Variants in PGPEP1 observed in about 807,000 individuals in gnomAD.
PGPEP1 encodes pyroglutamyl-peptidase 1.
In PGPEP1, 15 loss-of-function variants were observed where a neutral mutation model predicts 24.1. That is an observed-to-expected ratio of 0.62 (90% CI 0.42 to 0.96). The LOEUF (loss-of-function observed/expected upper bound fraction) is 0.96. Ranked by LOEUF, PGPEP1 falls within the 40% of genes least tolerant of loss-of-function variation. The pLI, the probability that PGPEP1 is intolerant of heterozygous loss-of-function variation, is 0.00. For missense variants in PGPEP1, 242 were observed against 273.4 expected (o/e 0.89, Z 0.81); for synonymous variants, 122 against 116.4 (o/e 1.05, Z -0.31).
Position 18,365,535 on chromosome 19 carries a change from G to T in PGPEP1, c.*1952G>T. ...TTTTTAAATTTTTTATACAGACAGG[G>T]TTTCACCATGTTGCCCAGGCTGGTC... On this transcript the variant is annotated 3_prime_UTR_variant, in exon 5 of 5. Transcript: ENST00000269919. The T allele has an allele frequency of 6.6e-6, 1 of 152,176 alleles. No individual in the cohort carries two copies. Among genetic ancestry groups the T allele is most frequent in the East Asian group, 1.9e-4 (1 of 5,194 alleles). 9.4% of individuals were successfully genotyped at this position (152,176 alleles called of 1,614,324 possible).
rs143998491 is a variant in PGPEP1 at position 18,363,437 on chromosome 19, G to A, written c.484G>A (p.Gly162Ser). Residue 162 changes from glycine to serine, a missense_variant, in exon 5 of 5, where the codon GGT (glycine) becomes AGT (serine). Gly to Ser is a moderately conservative substitution (Grantham distance 56, BLOSUM62 0). Coordinates refer to ENST00000269919, the MANE Select transcript of PGPEP1 (RefSeq NM_017712.4). ...TYYTSLYQSHGRSAFVHVPPL... is the reference protein window; with the variant it reads ...TYYTSLYQSHSRSAFVHVPPL... ...CTACACCTCTTTGTACCAGAGTCAC[G>A]GTCGATCAGCCTTCGTCCACGTGCC... 5.1e-5 allele frequency: 82 copies of A among 1,613,796 alleles called. No homozygotes were observed. Among genetic ancestry groups the A allele is most frequent in the Middle Eastern group, 1.6e-4 (1 of 6,062 alleles).
rs1393928603 is a variant in PGPEP1, at chr19:18,369,454, C to T, written c.*5871C>T. The T allele has an allele frequency of 6.6e-6, 1 of 152,536 alleles. No individual in the cohort carries two copies. The highest frequency in any genetic ancestry group is 1.5e-5 in the Non-Finnish European group (1 of 68,302). The allele number at this position is 152,536 out of a possible 1,614,324, so 9.4% of individuals were successfully genotyped here. ...AGACCAGCGTCTGGCCCAAGCCATT[C>T]AGAGGTGGGGTCTGGGGCCTGGGGG... On this transcript the variant is annotated 3_prime_UTR_variant, in exon 5 of 5. Transcript: ENST00000269919.
intron 2 of PGPEP1, 89 bp downstream of exon 2, chr19:18,343,000 A>G: frequency 3.0e-6 from 3 of 1,014,298 alleles, no homozygotes; most frequent in South Asian, 1.4e-5. Flanking sequence ...CTTTTAACAA[A>G]AACTTTTTTT....
At chr19:18,340,862 G>C (rs965782113) in intron 1 of PGPEP1, 147 bp downstream of exon 1, 104 of 580,806 alleles carry the variant, frequency 1.8e-4, no homozygotes, top group Non-Finnish European at 1.8e-5. Context: ...GCGCAGCCCA[G>C]GCTTCCTGGA....
At chr19:18,363,033 T>TGTGTG (rs1971390850) in intron 4 of PGPEP1, among the ~76,000 whole-genome samples, 3 of 136,684 alleles carry the variant, frequency 2.2e-5, no homozygotes, top group African/African-American at 8.3e-5. Context: ...TTTTTTTTGT[T>TGTGTG]TGTGTGTGTG....
At position 18,363,931 on chromosome 19, in the gene PGPEP1, C is replaced by A. The variant is rs552214745; in HGVS notation, c.*348C>A. 1 of 210,378 alleles carries A rather than the reference C, an allele frequency of 4.8e-6. No individual in the cohort carries two copies. Among genetic ancestry groups the A allele is most frequent in the South Asian group, 1.1e-4 (1 of 9,130 alleles). The allele number at this position is 210,378 out of a possible 1,614,324, so 13.0% of individuals were successfully genotyped here. On this transcript the variant is annotated 3_prime_UTR_variant, in exon 5 of 5. Coordinates refer to ENST00000269919, the MANE Select transcript of PGPEP1 (RefSeq NM_017712.4). ...CTGGGGCCATATGTTCACCTGCTTT[C>A]CTGTCCGTTGGTGAAGGAATTTCAG...
rs190082300 is a variant in PGPEP1, at chr19:18,347,460, C to T, written c.87+4549C>T. Among the ~76,000 whole-genome samples, 632 of 151,044 alleles carry T rather than the reference C, an allele frequency of 4.2e-3. 7 individuals carry two copies. The highest frequency in any genetic ancestry group is 0.014 in the African/African-American group (592 of 41,134). ...TCTCTCTCTCTCTGGGTCTTACTAT[C>T]TCTTCCCCTTTCTCTCTCTTCCTCT... On this transcript the variant is annotated intron_variant, in intron 2 of 4. Transcript: ENST00000269919.
At chr19:18,343,239 A>G (rs2144525457) in intron 2 of PGPEP1, among the ~76,000 whole-genome samples, 1 of 152,038 alleles carries the variant, frequency 6.6e-6, no homozygotes, top group East Asian at 1.9e-4. Flanking sequence ...ACCTCAAGTA[A>G]TCCTCCTGCC....
chr19:18,356,013 T>G lies in PGPEP1; in HGVS notation c.204+2T>G. ...CTGTGGGAGAAGCACAGTCCACAGG[T>G]GAGTGGTGCCAAGGGGCGGCACTTC... On this transcript the variant is annotated splice_donor_variant, in intron 3 of 4. Coordinates refer to ENST00000269919, the MANE Select transcript of PGPEP1 (RefSeq NM_017712.4). LOFTEE classifies it high-confidence loss of function. 1.3e-6 allele frequency: 2 copies of G among 1,573,558 alleles called. No individual in the cohort carries two copies. Among genetic ancestry groups the G allele is most frequent in the Non-Finnish European group, 1.7e-6 (2 of 1,143,346 alleles).
In PGPEP1 at chr19:18,363,867, A is replaced by T. The variant is rs1971428141; in HGVS notation, c.*284A>T. 1 of 310,210 alleles carries T rather than the reference A, an allele frequency of 3.2e-6. No individual in the cohort carries two copies. The highest frequency in any genetic ancestry group is 2.1e-5 in the African/African-American group (1 of 47,620). 19.2% of individuals were successfully genotyped at this position (310,210 alleles called of 1,614,324 possible). On this transcript the variant is annotated 3_prime_UTR_variant, in exon 5 of 5. Transcript: ENST00000269919. ...CTGGGAGGTCCAGATGCCCAGGGAG[A>T]ATCTTGGTCTGGTGAATCCATGAGC...
rs1464178883 is a variant in PGPEP1 at position 18,363,491 on chromosome 19, C to T, written c.538C>T (p.Gln180Ter). The T allele has an allele frequency of 1.9e-6, 3 of 1,614,204 alleles. No individual in the cohort carries two copies. Among genetic ancestry groups the T allele is most frequent in the Non-Finnish European group, 2.5e-6 (3 of 1,180,022 alleles). Residue 180 changes from glutamine (Q) to a stop codon, truncating the protein, a stop_gained, in exon 5 of 5, where the codon CAG becomes TAG. Transcript: ENST00000269919. LOFTEE classifies it high-confidence loss of function. ...PPLGKPYNAD[Q>*]LGRALRAIIE... ...ACTGGGGAAGCCGTACAACGCGGACCAGCTGGGCAGGGCACTGAGAGCCAT... is the reference window on the plus strand; with the variant it reads ...ACTGGGGAAGCCGTACAACGCGGACTAGCTGGGCAGGGCACTGAGAGCCAT...
At chr19:18,351,518 G>T (rs1971021331) in intron 2 of PGPEP1, among the ~76,000 whole-genome samples, 1 of 151,340 alleles carries the variant, frequency 6.6e-6, no homozygotes, top group African/African-American at 2.4e-5. Context: ...CAGCTACTTG[G>T]GAGGCTGAGG....
chr19:18,357,674 G>A, intron 4 of PGPEP1, 59 bp downstream of exon 4: 7 of 1,278,422 alleles, frequency 5.5e-6, no homozygotes, highest in Non-Finnish European at 7.8e-6. Context: ...ACTGAGCCTG[G>A]TGTAGAACAA....
rs1971466259 is a variant in PGPEP1 at position 18,364,412 on chromosome 19, A to C, written c.*829A>C. The C allele has an allele frequency of 6.6e-6, 1 of 152,020 alleles. No homozygotes were observed. The highest frequency in any genetic ancestry group is 1.5e-5 in the Non-Finnish European group (1 of 68,064). 9.4% of individuals were successfully genotyped at this position (152,020 alleles called of 1,614,324 possible). A position where few individuals can be genotyped will look rare whatever the true frequency, so the allele number is the denominator to read the frequency against. On this transcript the variant is annotated 3_prime_UTR_variant, in exon 5 of 5. Transcript: ENST00000269919. ...GCGGATCACCTGAGATCAGGAGTTCAAGATCAGCCTGGCCAACATGGTGAA... is the reference window on the plus strand; with the variant it reads ...GCGGATCACCTGAGATCAGGAGTTCCAGATCAGCCTGGCCAACATGGTGAA...
At chr19:18,356,559 C>T (rs1161871817) in intron 3 of PGPEP1, among the ~76,000 whole-genome samples, 1 of 152,082 alleles carries the variant, frequency 6.6e-6, no homozygotes, top group African/African-American at 2.4e-5. Flanking sequence ...CCAGCCTGGG[C>T]AGCATAGTGA....
At chr19:18,356,438 A>C (rs1971188061) in intron 3 of PGPEP1, among the ~76,000 whole-genome samples, 1 of 146,156 alleles carries the variant, frequency 6.8e-6, no homozygotes, top group Non-Finnish European at 1.5e-5. Context: ...GTCTCAAAAA[A>C]AACAAAAAAA....
intron 2 of PGPEP1, among the ~76,000 whole-genome samples, 198 bp downstream of exon 2, chr19:18,343,109 C>T (rs901415165): frequency 6.6e-6 from 1 of 151,952 alleles, no homozygotes; most frequent in Non-Finnish European, 1.5e-5. Flanking sequence ...AAGCGATTCT[C>T]CCACCTCAGC....
intron 4 of PGPEP1, 53 bp from the exon 5 acceptor site, chr19:18,363,338 C>T (rs1971403478): frequency 2.0e-6 from 3 of 1,477,716 alleles, no homozygotes; most frequent in Admixed American, 1.8e-5. Flanking sequence ...CTACGGATTG[C>T]CCCTCTGACC....
intron 2 of PGPEP1, among the ~76,000 whole-genome samples, chr19:18,345,348 C>A (rs186411910): frequency 1.0e-3 from 158 of 152,172 alleles, no homozygotes; most frequent in African/African-American, 3.6e-3. Context: ...GATTCCCCAC[C>A]ATTCGCCTGC....
Sources: gnomAD v4.1 joint callset for allele counts (sites outside exome capture counted in the v4.1 genomes callset) on GRCh38, gnomAD v4.1.1 for gene constraint, MANE v1.5 for transcripts, NCBI Gene and HGNC (gene_info 2026-07-23, HGNC 2026-07-21) for gene names.